The following SLC44A5 variants were observed in gnomAD, a reference collection of about 807,000 sequenced individuals.
SLC44A5 encodes choline transporter-like protein 5.
In SLC44A5, 57 loss-of-function variants were observed where a neutral mutation model predicts 101.8. The observed-to-expected ratio is 0.56, with a 90% CI of 0.45 to 0.70. The LOEUF is 0.70. Among genes scored for constraint, SLC44A5 ranks in the 30% least tolerant of loss-of-function variants. The pLI is 0.00. For synonymous variants in SLC44A5, 281 were observed against 290.9 expected (o/e 0.97, Z 0.35); for missense variants, 737 against 853.1 (o/e 0.86, Z 1.70).
chr1:75,233,815 TAC>T (rs1647819336), intron 12 of SLC44A5, among the ~76,000 whole-genome samples, 169 bp downstream of exon 12: 1 of 152,134 alleles, frequency 6.6e-6, no homozygotes, highest in African/African-American at 2.4e-5. Flanking sequence ...AAGAAAAAGT[TAC>T]AGAGACAATA....
chr1:75,393,320 G>C (rs1661916373), intron 3 of SLC44A5, among the ~76,000 whole-genome samples: 1 of 152,084 alleles, frequency 6.6e-6, no homozygotes, highest in Non-Finnish European at 1.5e-5. Context: ...TATGAAACAA[G>C]TATTGATACC....
chr1:75,612,668 G>T (rs370858807), upstream of SLC44A5, among the ~76,000 whole-genome samples: 1 of 151,940 alleles, frequency 6.6e-6, no homozygotes, highest in African/African-American at 2.4e-5. Flanking sequence ...GTTCATTACC[G>T]TATCCCTAGT....
intron 7 of SLC44A5, among the ~76,000 whole-genome samples, chr1:75,248,563 C>T (rs553305485): frequency 3.3e-5 from 5 of 152,020 alleles, no homozygotes; most frequent in Non-Finnish European, 5.9e-5. Context: ...CTCAGTGAGA[C>T]AGGAAGCAAA....
At chr1:75,531,742 T>C (rs1176421189) in intron 2 of SLC44A5, among the ~76,000 whole-genome samples, 1 of 152,244 alleles carries the variant, frequency 6.6e-6, no homozygotes, top group East Asian at 1.9e-4. Context: ...GCTTTCATTA[T>C]GTCACTTTGC....
chr1:75,530,557 T>G (rs1176704107), intron 2 of SLC44A5, among the ~76,000 whole-genome samples: 2 of 152,210 alleles, frequency 1.3e-5, no homozygotes, highest in Non-Finnish European at 2.9e-5. Context: ...CAAATATGTC[T>G]GTTCATGTGC....
the SLC44A5 span, among the ~76,000 whole-genome samples, chr1:75,691,382 A>G: frequency 6.6e-6 from 1 of 152,312 alleles, no homozygotes; most frequent in South Asian, 2.1e-4. Context: ...TAAAAATGGT[A>G]TTTAATACCA....
At chr1:75,510,355 C>A (rs113174561) in intron 2 of SLC44A5, among the ~76,000 whole-genome samples, 1 of 151,998 alleles carries the variant, frequency 6.6e-6, no homozygotes, top group African/African-American at 2.4e-5. Context: ...CTGTATTTCT[C>A]AAATTTGATA....
At chr1:75,535,306 G>C (rs1431812750) in intron 2 of SLC44A5, among the ~76,000 whole-genome samples, 1 of 152,160 alleles carries the variant, frequency 6.6e-6, no homozygotes, top group Admixed American at 6.5e-5. Flanking sequence ...GAGGAAAGCA[G>C]CAAGTACACA....
chr1:75,431,113 C>T (rs894332304), intron 2 of SLC44A5, among the ~76,000 whole-genome samples: 3 of 152,060 alleles, frequency 2.0e-5, no homozygotes, highest in African/African-American at 4.8e-5. Context: ...AAATCCAAAC[C>T]GTTTTATTGA....
chr1:75,414,324 T>TACACAC (rs35421682), intron 2 of SLC44A5, among the ~76,000 whole-genome samples: 68 of 146,068 alleles, frequency 4.7e-4, no homozygotes, highest in Admixed American at 5.5e-4. Context: ...CATATCCACA[T>TACACAC]ACACACACAC....
At chr1:75,322,315 A>T (rs1431873042) in intron 4 of SLC44A5, among the ~76,000 whole-genome samples, 1 of 152,156 alleles carries the variant, frequency 6.6e-6, no homozygotes, top group African/African-American at 2.4e-5. Context: ...CCATCTCAAA[A>T]AAAGAGCATG....
chr1:75,571,589 T>TA (rs1335413166), intron 1 of SLC44A5, among the ~76,000 whole-genome samples: 16 of 152,312 alleles, frequency 1.1e-4, no homozygotes, highest in Admixed American at 1.0e-3. Context: ...TACTTTTTTA[T>TA]AAAATAAGCT....
chr1:75,461,269 T>C (rs1486073087), intron 2 of SLC44A5, among the ~76,000 whole-genome samples: 2 of 152,114 alleles, frequency 1.3e-5, no homozygotes, highest in African/African-American at 4.8e-5. Flanking sequence ...GGTATGAAAA[T>C]AGTTTTAAAA....
intron 3 of SLC44A5, among the ~76,000 whole-genome samples, chr1:75,354,581 G>A (rs541042892): frequency 3.9e-5 from 6 of 152,276 alleles, no homozygotes; most frequent in Admixed American, 1.3e-4. Flanking sequence ...CCACACTCAC[G>A]ATGGCCCCCT....
chr1:75,252,039 G>A (rs1649620877), intron 6 of SLC44A5, among the ~76,000 whole-genome samples: 2 of 152,230 alleles, frequency 1.3e-5, no homozygotes, highest in South Asian at 4.1e-4. Flanking sequence ...TAAGACAAGT[G>A]GTTGCCCAAC....
At chr1:75,258,604 A>G (rs990944628) in intron 6 of SLC44A5, among the ~76,000 whole-genome samples, 1 of 152,140 alleles carries the variant, frequency 6.6e-6, no homozygotes, top group Non-Finnish European at 1.5e-5. Context: ...GTCCAGCTTC[A>G]GCAGACTTAA....
chr1:75,282,412 A>G (rs945182473), intron 5 of SLC44A5, among the ~76,000 whole-genome samples: 2 of 152,130 alleles, frequency 1.3e-5, no homozygotes. Context: ...CTCAGATGAG[A>G]CTTTGGACTT....
chr1:75,259,667 G>C (rs1456478580), intron 6 of SLC44A5, among the ~76,000 whole-genome samples: 1 of 152,046 alleles, frequency 6.6e-6, no homozygotes, highest in African/African-American at 2.4e-5. Flanking sequence ...TCAAATTCAG[G>C]AAATACAGAA....
intron 2 of SLC44A5, among the ~76,000 whole-genome samples, chr1:75,501,481 A>G (rs1374015771): frequency 6.6e-6 from 1 of 152,212 alleles, no homozygotes; most frequent in Non-Finnish European, 1.5e-5. Context: ...TTTCAAGGTA[A>G]TCTCACATTA....
Sources: allele counts gnomAD v4.1 joint callset (sites outside exome capture counted in the v4.1 genomes callset), GRCh38; gene constraint gnomAD v4.1.1; transcripts MANE v1.5; gene names NCBI Gene and HGNC (gene_info 2026-07-23, HGNC 2026-07-21).